SNTG1: variants seen among roughly 807,000 people sequenced by gnomAD.
SNTG1 encodes gamma-1-syntrophin.
Under a neutral mutation model 74.7 loss-of-function variants are expected in SNTG1, and 39 were observed. That is an observed-to-expected ratio of 0.52 (90% confidence interval 0.40 to 0.68). The LOEUF is 0.68. SNTG1 is among the 30% of genes least tolerant of loss of function. The probability of loss-of-function intolerance (pLI) is 0.00; values close to 1 mark genes in which losing one functional copy is unlikely to be tolerated. For synonymous variants in SNTG1, 254 were observed against 217.1 expected (o/e 1.17, Z -1.49); for missense variants, 685 against 609.5 (o/e 1.12, Z -1.30).
chr8:50,382,633 T>C (rs981512289), intron 2 of SNTG1, among the ~76,000 whole-genome samples: 1 of 152,206 alleles, frequency 6.6e-6, no homozygotes, highest in South Asian at 2.1e-4. Flanking sequence ...TAAACTACTT[T>C]CAATATTTCA....
At chr8:50,054,230 G>C (rs1170191685) in intron 1 of SNTG1, among the ~76,000 whole-genome samples, 1 of 151,918 alleles carries the variant, frequency 6.6e-6, no homozygotes, top group Non-Finnish European at 1.5e-5. Flanking sequence ...CTCCCTTCTG[G>C]GCAGCTCCCT....
chr8:50,058,090 AG>A (rs1023603525), intron 1 of SNTG1, among the ~76,000 whole-genome samples: 1 of 152,124 alleles, frequency 6.6e-6, no homozygotes, highest in Non-Finnish European at 1.5e-5. Context: ...CAAAATCCCA[AG>A]TCTGAAAGAG....
chr8:49,935,286 A>G (rs905717229), intron 1 of SNTG1, among the ~76,000 whole-genome samples: 1 of 150,454 alleles, frequency 6.6e-6, no homozygotes, highest in African/African-American at 2.4e-5. Context: ...ACATCTTCTT[A>G]GAAGAAATGT....
chr8:50,229,016 C>G (rs2085481184), intron 2 of SNTG1, among the ~76,000 whole-genome samples: 1 of 151,444 alleles, frequency 6.6e-6, no homozygotes, highest in Non-Finnish European at 1.5e-5. Context: ...ATTGGGAGTA[C>G]TCTGTTGCAA....
At chr8:50,734,807 A>C (rs2095522459) in intron 17 of SNTG1, among the ~76,000 whole-genome samples, 1 of 59,412 alleles carries the variant, frequency 1.7e-5, no homozygotes, top group South Asian at 6.8e-4. Flanking sequence ...ACATATATAT[A>C]GATATCTATA....
intron 1 of SNTG1, among the ~76,000 whole-genome samples, chr8:50,103,407 T>C (rs1453428962): frequency 6.6e-6 from 1 of 152,172 alleles, no homozygotes. Context: ...TGTACATTGA[T>C]TTTGTATCCT....
intron 1 of SNTG1, among the ~76,000 whole-genome samples, chr8:50,057,322 A>T (rs190065459): frequency 3.5e-4 from 53 of 152,242 alleles, no homozygotes; most frequent in Non-Finnish European, 4.6e-4. Context: ...AGATGCATGA[A>T]GACACAATGG....
chr8:50,731,072 T>C (rs1432127284), intron 17 of SNTG1, among the ~76,000 whole-genome samples: 1 of 152,184 alleles, frequency 6.6e-6, no homozygotes, highest in Non-Finnish European at 1.5e-5. Flanking sequence ...ATAAGTAGAA[T>C]ATAAAATTCA....
chr8:50,449,545 C>T (rs1454190612), intron 5 of SNTG1, 123 bp from the exon 6 acceptor site: 5 of 631,570 alleles, frequency 7.9e-6, no homozygotes, highest in Non-Finnish European at 1.2e-5. Flanking sequence ...AGAAATTCCA[C>T]AAGTTTATTT....
chr8:50,749,664 C>G (rs1292450138), intron 17 of SNTG1, among the ~76,000 whole-genome samples: 1 of 151,964 alleles, frequency 6.6e-6, no homozygotes, highest in East Asian at 1.9e-4. Context: ...TCCTAGGACC[C>G]TTAAGAATTG....
At chr8:50,284,696 G>C (rs1005381050) in intron 2 of SNTG1, among the ~76,000 whole-genome samples, 4 of 151,886 alleles carry the variant, frequency 2.6e-5, no homozygotes, top group Admixed American at 6.6e-5. Context: ...TTTGCTACTT[G>C]GTGTTATTTC....
At chr8:50,673,772 C>A (rs1312444679) in intron 15 of SNTG1, among the ~76,000 whole-genome samples, 1 of 152,122 alleles carries the variant, frequency 6.6e-6, no homozygotes, top group Non-Finnish European at 1.5e-5. Context: ...AAAGGGAATG[C>A]TTCCAGCTTT....
intron 2 of SNTG1, among the ~76,000 whole-genome samples, chr8:50,364,668 A>G (rs778090201): frequency 3.9e-5 from 6 of 152,096 alleles, no homozygotes; most frequent in Non-Finnish European, 8.8e-5. Context: ...TGAATAATTC[A>G]TTCATATTCA....
At chr8:50,067,712 T>G (rs1477546156) in intron 1 of SNTG1, among the ~76,000 whole-genome samples, 3 of 152,100 alleles carry the variant, frequency 2.0e-5, no homozygotes, top group Admixed American at 2.0e-4. Flanking sequence ...ACACCCTGAT[T>G]TTGGTTGCCT....
chr8:49,951,964 A>C (rs994435794), intron 1 of SNTG1, among the ~76,000 whole-genome samples: 3 of 148,668 alleles, frequency 2.0e-5, no homozygotes, highest in Non-Finnish European at 4.5e-5. Context: ...AAGGGTAGGT[A>C]CTGGGAAATA....
chr8:50,674,136 G>GT (rs1261710017), intron 15 of SNTG1, among the ~76,000 whole-genome samples: 2 of 151,434 alleles, frequency 1.3e-5, no homozygotes, highest in South Asian at 2.1e-4. Flanking sequence ...CTGAAGTTTT[G>GT]TTTTTTTATT....
chr8:50,319,166 A>G (rs114637734), intron 2 of SNTG1, among the ~76,000 whole-genome samples: 3 of 152,214 alleles, frequency 2.0e-5, no homozygotes, highest in African/African-American at 7.2e-5. Context: ...GATTTTTGGA[A>G]ATGATTTCAT....
chr8:50,202,492 A>C (rs1293648464), intron 2 of SNTG1, among the ~76,000 whole-genome samples: 3 of 152,096 alleles, frequency 2.0e-5, no homozygotes, highest in African/African-American at 7.2e-5. Flanking sequence ...AGCAATGTAC[A>C]GTGTTTCCTC....
intron 2 of SNTG1, among the ~76,000 whole-genome samples, chr8:50,249,683 G>A (rs2086561265): frequency 6.6e-6 from 1 of 152,086 alleles, no homozygotes; most frequent in South Asian, 2.1e-4. Context: ...CTGTAGCCTA[G>A]GCCTATAATA....
Sources: gnomAD v4.1 joint callset for allele counts (sites outside exome capture counted in the v4.1 genomes callset) on GRCh38, gnomAD v4.1.1 for gene constraint, MANE v1.5 for transcripts, NCBI Gene and HGNC (gene_info 2026-07-23, HGNC 2026-07-21) for gene names.